The following EPM2A variants were observed in gnomAD, a reference collection of about 807,000 sequenced individuals.
The protein encoded by EPM2A is laforin.
EPM2A carries 21 observed loss-of-function variants against 26.5 expected under a neutral mutation model. The ratio of observed to expected loss-of-function variants is 0.79; its 90% CI spans 0.56 to 1.14. EPM2A has a LOEUF of 1.14. Ranked by LOEUF, EPM2A falls within the 50% of genes most tolerant of loss-of-function variation. The pLI is 0.00. For synonymous variants in EPM2A, 217 were observed against 177.6 expected, an observed-to-expected ratio of 1.22 and a Z score of -1.76; for missense variants, 458 against 440.8, an observed-to-expected ratio of 1.04 and a Z score of -0.35.
chr6:145,735,328 CG>C lies in EPM2A; in HGVS notation c.170del (p.Pro57ArgfsTer33). 7.7e-7 allele frequency: 1 copy of C among 1,304,042 alleles called. No individual in the cohort carries two copies. Among genetic ancestry groups the C allele is most frequent in the Non-Finnish European group, 9.9e-7 (1 of 1,005,088 alleles). The allele number at this position is 1,304,042 out of a possible 1,614,324, so 80.8% of individuals were successfully genotyped here. ...AGDGALALQE[P>X]GLWLGEVELA... ...GCTCCACCTCCCCGAGCCACAGGCC[CG>C]GCTCCTGCAGGGCCAGGGCCCCGTC... On this transcript the variant is annotated frameshift_variant, in exon 1 of 4. Coordinates refer to ENST00000367519, the MANE Select transcript of EPM2A (RefSeq NM_005670.4). LOFTEE classifies it high-confidence loss of function.
intron 1 of EPM2A, among the ~76,000 whole-genome samples, chr6:145,687,876 A>G (rs1379171479): frequency 6.6e-6 from 1 of 152,124 alleles, no homozygotes; most frequent in Non-Finnish European, 1.5e-5. Context: ...GCTGCACCAC[A>G]TCTCTATTAA....
intron 2 of EPM2A, among the ~76,000 whole-genome samples, chr6:145,666,050 C>G (rs1260253300): frequency 1.4e-5 from 2 of 146,200 alleles, no homozygotes; most frequent in African/African-American, 5.1e-5. Context: ...AAACCCACAG[C>G]CAATATCATA....
At chr6:145,621,832 T>G (rs1260398699), downstream of EPM2A, among the ~76,000 whole-genome samples, 2 of 152,188 alleles carry the variant, frequency 1.3e-5, no homozygotes, top group Non-Finnish European at 2.9e-5. Context: ...CCTTATGCAT[T>G]TGGATATTAA....
chr6:145,502,548 C>A (rs1357051018), exon 3 of EPM2A: 1 of 470,752 alleles, frequency 2.1e-6, no homozygotes, highest in South Asian at 1.5e-5. Flanking sequence ...CATCCCCGAG[C>A]AGCACATGTC....
At chr6:145,396,719 C>T (rs1440121159) in intron 4 of EPM2A, among the ~76,000 whole-genome samples, 1 of 152,178 alleles carries the variant, frequency 6.6e-6, no homozygotes, top group African/African-American at 2.4e-5. Context: ...ACTGTAATGG[C>T]AAGTTGATTT....
At chr6:145,508,004 A>C (rs909765467) in intron 2 of EPM2A, among the ~76,000 whole-genome samples, 1 of 152,188 alleles carries the variant, frequency 6.6e-6, no homozygotes, top group Admixed American at 6.5e-5. Flanking sequence ...TCTAACCCCC[A>C]GTACTAAGTG....
chr6:145,654,712 A>T (rs1440890879), intron 2 of EPM2A, among the ~76,000 whole-genome samples: 7 of 152,204 alleles, frequency 4.6e-5, no homozygotes, highest in South Asian at 2.1e-4. Context: ...GTTTAAGAAG[A>T]AAATAAAATG....
At chr6:145,469,911 G>T (rs567394031) in intron 4 of EPM2A, among the ~76,000 whole-genome samples, 1 of 152,092 alleles carries the variant, frequency 6.6e-6, no homozygotes, top group African/African-American at 2.4e-5. Flanking sequence ...AAGTGATAAA[G>T]CCAGGCACAG....
chr6:145,544,200 C>T (rs1369379787), intron 2 of EPM2A, among the ~76,000 whole-genome samples: 1 of 152,256 alleles, frequency 6.6e-6, no homozygotes, highest in African/African-American at 2.4e-5. Context: ...ATTCCCTAAC[C>T]TCCATCAGAA....
intron 2 of EPM2A, among the ~76,000 whole-genome samples, chr6:145,535,826 A>G (rs1780423638): frequency 6.6e-6 from 1 of 152,204 alleles, no homozygotes; most frequent in South Asian, 2.1e-4. Flanking sequence ...GCTCTTGGTA[A>G]GTTCACTTTC....
intron 1 of EPM2A, among the ~76,000 whole-genome samples, chr6:145,696,780 TG>T (rs1464041568): frequency 2.1e-4 from 5 of 24,044 alleles, no homozygotes; most frequent in Admixed American, 9.7e-4. Context: ...GGGGTATGTG[TG>T]TGTGTGTGTG....
Position 145,479,646 on chromosome 6 carries a change from C to G in EPM2A, c.555+22876G>C, listed in dbSNP as rs946419752. 4.0e-5 allele frequency among the ~76,000 whole-genome samples: 6 copies of G among 151,892 alleles called. No homozygotes were observed. In the East Asian group the frequency reaches 1.2e-3, roughly 29 times the overall value. ...GCTCTATATGCCACATTTTGTTTAC[C>G]TTTTCATAAGTTGATATACACCTGG... On this transcript the variant is annotated intron_variant, in intron 4 of 4. Coordinates refer to the EPM2A transcript ENST00000638717.
intron 2 of EPM2A, among the ~76,000 whole-genome samples, chr6:145,513,408 G>A (rs1186373771): frequency 6.6e-6 from 1 of 152,040 alleles, no homozygotes; most frequent in African/African-American, 2.4e-5. Context: ...AAAAATATTG[G>A]CATGAATGCA....
downstream of EPM2A, among the ~76,000 whole-genome samples, chr6:145,501,171 T>C (rs1424531443): frequency 1.3e-5 from 2 of 152,174 alleles, no homozygotes; most frequent in African/African-American, 2.4e-5. Context: ...TTTAGTGCTA[T>C]GAAGATGAAA....
intron 2 of EPM2A, among the ~76,000 whole-genome samples, chr6:145,595,859 A>G (rs1171748545): frequency 2.6e-5 from 4 of 152,078 alleles, no homozygotes; most frequent in Admixed American, 2.0e-4. Flanking sequence ...TAGCATTTTC[A>G]GAACAATGTG....
At chr6:145,608,352 C>A (rs1775313776) in intron 2 of EPM2A, among the ~76,000 whole-genome samples, 1 of 152,152 alleles carries the variant, frequency 6.6e-6, no homozygotes, top group African/African-American at 2.4e-5. Flanking sequence ...CATGCACAGA[C>A]ATATACACCT....
chr6:145,534,127 G>A lies in EPM2A; in HGVS notation c.341-31552C>T, dbSNP rs534652596. On this transcript the variant is annotated intron_variant, in intron 2 of 3. Coordinates refer to the EPM2A transcript ENST00000450221. The stretch of plus-strand genomic sequence containing the variant: ...GAGAATCTGCTGTTCGGTGAAAGGA[G>A]TGGTAATGTTGAAGTGAATTTACTC... 7.9e-5 allele frequency among the ~76,000 whole-genome samples: 12 copies of A among 152,280 alleles called. No individual in the cohort carries two copies. In the East Asian group the frequency reaches 1.2e-3, roughly 15 times the overall value.
intron 2 of EPM2A, among the ~76,000 whole-genome samples, chr6:145,679,431 G>GA (rs1324268805): frequency 6.8e-6 from 1 of 147,954 alleles, no homozygotes; most frequent in African/African-American, 2.5e-5. Flanking sequence ...AAAAGGAGAA[G>GA]AAAAATATAT....
chr6:145,561,319 T>C (rs1285676039), intron 2 of EPM2A, among the ~76,000 whole-genome samples: 1 of 152,130 alleles, frequency 6.6e-6, no homozygotes, highest in African/African-American at 2.4e-5. Context: ...ATTGTGTAAG[T>C]ATACTCTATG....
Sources: allele counts gnomAD v4.1 joint callset (sites outside exome capture counted in the v4.1 genomes callset), GRCh38; gene constraint gnomAD v4.1.1; transcripts MANE v1.5; gene names NCBI Gene and HGNC (gene_info 2026-07-23, HGNC 2026-07-21).